Variants in ERC2 observed in about 807,000 individuals in gnomAD.
ERC2 encodes ERC protein 2.
A neutral mutation model predicts 114.8 loss-of-function variants in ERC2; 42 were observed. The ratio of observed to expected loss-of-function variants is 0.37; its 90% confidence interval spans 0.29 to 0.47. The LOEUF (loss-of-function observed/expected upper bound fraction) is 0.47. Among genes scored for constraint, ERC2 ranks in the 20% least tolerant of loss-of-function variants. ERC2 has a pLI of 0.99. For synonymous variants in ERC2, 454 were observed against 425.5 expected, an observed-to-expected ratio of 1.07 and a Z score of -0.82; for missense variants, 939 against 1,150.7, an observed-to-expected ratio of 0.82 and a Z score of 2.66.
chr3:55,867,980 A>G (rs2062404848), intron 14 of ERC2, among the ~76,000 whole-genome samples: 1 of 152,192 alleles, frequency 6.6e-6, no homozygotes, highest in African/African-American at 2.4e-5. Flanking sequence ...CTGTTAAAAT[A>G]CCTAGCACTA....
At chr3:55,751,862 G>A (rs573635319) in intron 14 of ERC2, among the ~76,000 whole-genome samples, 2 of 152,184 alleles carry the variant, frequency 1.3e-5, no homozygotes, top group Non-Finnish European at 2.9e-5. Context: ...ACATGCTTTG[G>A]TTGGGTTTAT....
chr3:55,582,590 A>T (rs1282699233), intron 17 of ERC2, among the ~76,000 whole-genome samples: 1 of 152,234 alleles, frequency 6.6e-6, no homozygotes, highest in Admixed American at 6.5e-5. Flanking sequence ...ATTTCAAATT[A>T]GTTTGTAAGC....
At chr3:56,394,822 TA>T (rs1025346928) in intron 2 of ERC2, among the ~76,000 whole-genome samples, 1 of 152,128 alleles carries the variant, frequency 6.6e-6, no homozygotes, top group African/African-American at 2.4e-5. Flanking sequence ...CTAAAAAGGT[TA>T]AACATAAATT....
intron 14 of ERC2, among the ~76,000 whole-genome samples, chr3:55,819,873 C>T (rs957907131): frequency 2.0e-5 from 3 of 152,192 alleles, no homozygotes; most frequent in East Asian, 1.9e-4. Context: ...GGCTTCCTCT[C>T]CTTTCTTGTG....
chr3:56,059,472 C>T (rs2076160263), intron 7 of ERC2, among the ~76,000 whole-genome samples: 1 of 152,178 alleles, frequency 6.6e-6, no homozygotes, highest in Non-Finnish European at 1.5e-5. Flanking sequence ...TAATCAGCTA[C>T]AGGAAGTAAG....
At chr3:55,711,249 T>A (rs1054054041) in intron 15 of ERC2, among the ~76,000 whole-genome samples, 10 of 152,230 alleles carry the variant, frequency 6.6e-5, no homozygotes, top group African/African-American at 2.2e-4. Flanking sequence ...TTTTCTTTTT[T>A]AAATAACATC....
At chr3:56,098,566 G>A (rs1052862964) in intron 6 of ERC2, among the ~76,000 whole-genome samples, 8 of 152,086 alleles carry the variant, frequency 5.3e-5, no homozygotes, top group Non-Finnish European at 1.0e-4. Context: ...CATTGAGACT[G>A]GTCATTGGAA....
At chr3:56,030,084 A>C (rs1025649254) in intron 7 of ERC2, among the ~76,000 whole-genome samples, 3 of 152,072 alleles carry the variant, frequency 2.0e-5, no homozygotes, top group Non-Finnish European at 2.9e-5. Flanking sequence ...GTTACTTAGC[A>C]GTGTGATATA....
chr3:55,846,693 TTCTCTCTCTCTCTC>T (rs34647203), intron 14 of ERC2, among the ~76,000 whole-genome samples: 1 of 142,820 alleles, frequency 7.0e-6, no homozygotes, highest in Admixed American at 7.0e-5. Context: ...CTCTCTCTCT[TTCTCTCTCTCTCTC>T]TCTCTCTCTC....
At chr3:56,223,091 A>T (rs2050023231) in intron 3 of ERC2, among the ~76,000 whole-genome samples, 1 of 152,212 alleles carries the variant, frequency 6.6e-6, no homozygotes, top group Non-Finnish European at 1.5e-5. Flanking sequence ...GAATTTAACC[A>T]CTTCCCTCCC....
At chr3:56,267,844 T>C (rs967289744) in intron 3 of ERC2, among the ~76,000 whole-genome samples, 1 of 152,080 alleles carries the variant, frequency 6.6e-6, no homozygotes, top group African/African-American at 2.4e-5. Context: ...TTACATAGGA[T>C]GAATAAATCT....
intron 2 of ERC2, among the ~76,000 whole-genome samples, chr3:56,319,755 G>A (rs1011402203): frequency 5.9e-5 from 9 of 152,034 alleles, no homozygotes; most frequent in Non-Finnish European, 8.8e-5. Context: ...AGGAACACTC[G>A]AGGTCAGGAG....
intron 3 of ERC2, among the ~76,000 whole-genome samples, chr3:56,215,706 C>T (rs1362874055): frequency 1.3e-5 from 2 of 152,212 alleles, no homozygotes; most frequent in Non-Finnish European, 2.9e-5. Context: ...CTCAACACCA[C>T]ACTGCGCTTA....
intron 6 of ERC2, among the ~76,000 whole-genome samples, chr3:56,100,489 G>A (rs1013751131): frequency 2.6e-5 from 4 of 152,126 alleles, no homozygotes; most frequent in African/African-American, 4.8e-5. Context: ...TTTATACAGC[G>A]TGAGTTAATT....
chr3:56,223,004 C>G (rs2050017359), intron 3 of ERC2, among the ~76,000 whole-genome samples: 1 of 152,214 alleles, frequency 6.6e-6, no homozygotes, highest in East Asian at 1.9e-4. Context: ...CAGGGAGCAG[C>G]CATCCCCAGC....
chr3:56,172,512 G>C (rs577019750), intron 4 of ERC2, among the ~76,000 whole-genome samples: 1 of 152,270 alleles, frequency 6.6e-6, no homozygotes, highest in South Asian at 2.1e-4. Context: ...AAGAAGGATT[G>C]AGAAGATGCA....
chr3:55,524,523 T>C (rs2053182511), intron 17 of ERC2, among the ~76,000 whole-genome samples: 1 of 131,620 alleles, frequency 7.6e-6, no homozygotes. Context: ...TTTTTTTTCA[T>C]GGCTCCAGCT....
chr3:56,399,791 T>C (rs1179525596), intron 2 of ERC2, among the ~76,000 whole-genome samples: 1 of 152,044 alleles, frequency 6.6e-6, no homozygotes, highest in African/African-American at 2.4e-5. Context: ...TTGGTTTTTA[T>C]TCAGCCTCTA....
intron 2 of ERC2, among the ~76,000 whole-genome samples, chr3:56,299,124 TTTTTTTGTTTGTTTG>T (rs1357475310): frequency 3.7e-4 from 31 of 82,750 alleles, no homozygotes; most frequent in South Asian, 7.3e-4. Flanking sequence ...TTTTTGTTTT[TTTTTTTGTTTGTTTG>T]TTTTTTGAGA....
Sources: gnomAD v4.1 joint callset for allele counts (sites outside exome capture counted in the v4.1 genomes callset) on GRCh38, gnomAD v4.1.1 for gene constraint, MANE v1.5 for transcripts, NCBI Gene and HGNC (gene_info 2026-07-23, HGNC 2026-07-21) for gene names.